Variants in WNT10A observed in about 807,000 individuals in gnomAD.
WNT10A encodes the protein Wnt family member 10A.
Under a neutral mutation model 36.1 loss-of-function variants are expected in WNT10A, and 37 were observed. That is an observed-to-expected ratio of 1.02 (90% CI 0.79 to 1.35). The LOEUF is 1.35. Among genes scored for constraint, WNT10A ranks in the 40% most tolerant of loss-of-function variants. WNT10A has a pLI of 0.00. For synonymous variants in WNT10A, 255 were observed against 254.1 expected (o/e 1.00, Z -0.03); for missense variants, 613 against 601.4 (o/e 1.02, Z -0.20).
chr2:218,878,758 T>C (rs1944475680), upstream of WNT10A, among the ~76,000 whole-genome samples: 1 of 152,060 alleles, frequency 6.6e-6, no homozygotes, highest in African/African-American at 2.4e-5. The surrounding 1 kb of genome is among the most constrained non-coding windows in gnomAD (Gnocchi z 4.1). Flanking sequence ...TGATTATGAG[T>C]CCCTTCCCTG....
chr2:218,884,895 G>A lies in WNT10A; in HGVS notation c.376+2472G>A, dbSNP rs1944561924. Reference sequence around the variant, plus strand: ...CCCTTTTCTGACCCATGTTATCAATGGGTTAGGATCCTCTTAAGTGTGGAT... The same window carrying A: ...CCCTTTTCTGACCCATGTTATCAATAGGTTAGGATCCTCTTAAGTGTGGAT... On this transcript the variant is annotated intron_variant, in intron 2 of 3. Transcript: ENST00000258411. Among the ~76,000 whole-genome samples, 3 of 152,190 alleles carry A rather than the reference G, an allele frequency of 2.0e-5. No homozygotes were observed. The South Asian group carries it at 6.2e-4, about 32-fold the overall frequency.
chr2:218,880,979 G>A lies in WNT10A; in HGVS notation c.-17G>A, dbSNP rs1393800996. ...GCTGTGAGCCCCCCACTCCCAGCCC[G>A]TCAGGGCCTGCGCGCCATGGGCAGC... On this transcript the variant is annotated 5_prime_UTR_variant, in exon 1 of 4. Coordinates refer to ENST00000258411, the MANE Select transcript of WNT10A (RefSeq NM_025216.3). The surrounding 1 kb of genome is among the most constrained non-coding windows in gnomAD (Gnocchi z 7.7). 8 of 1,559,090 alleles carry A rather than the reference G, an allele frequency of 5.1e-6. No individual in the cohort carries two copies. Among genetic ancestry groups the A allele is most frequent in the Non-Finnish European group, 6.9e-6 (8 of 1,151,588 alleles).
rs773640896 is a variant in WNT10A, at chr2:218,890,039, C to G, written c.432C>G (p.Ala144=). 6.2e-7 allele frequency: 1 copy of G among 1,613,974 alleles called. No individual in the cohort carries two copies. Among genetic ancestry groups the G allele is most frequent in the South Asian group, 1.1e-5 (1 of 91,074 alleles). Residue 144 remains alanine, a synonymous_variant, in exon 3 of 4, where the codon GCC becomes GCG. Coordinates refer to ENST00000258411, the MANE Select transcript of WNT10A (RefSeq NM_025216.3). ...YAIAAAGVVH[A]VSNACALGKL... is the part of the protein sequence containing the mutation. The stretch of plus-strand genomic sequence containing the variant: ...TCGCAGCAGCTGGCGTGGTGCACGC[C>G]GTGTCCAATGCGTGTGCCCTGGGCA...
upstream of WNT10A, chr2:218,880,673 C>T: frequency 6.9e-6 from 2 of 290,778 alleles, no homozygotes; most frequent in South Asian, 1.1e-4. This position sits in a 1 kb window ranked among gnomAD's most constrained non-coding sequence, Gnocchi z 7.7. Flanking sequence ...GTCCCCAGCC[C>T]GCTGCACCTC....
upstream of WNT10A, among the ~76,000 whole-genome samples, chr2:218,876,801 G>A (rs1944457048): frequency 6.6e-6 from 1 of 152,196 alleles, no homozygotes; most frequent in African/African-American, 2.4e-5. Flanking sequence ...ACCACCAGAG[G>A]GCATGCGGAG....
intron 2 of WNT10A, among the ~76,000 whole-genome samples, chr2:218,885,597 C>T (rs1944568774): frequency 6.6e-6 from 1 of 152,196 alleles, no homozygotes; most frequent in South Asian, 2.1e-4. Flanking sequence ...TTCCCTAAGG[C>T]CCAGACCCAT....
rs2106016216 is a variant in WNT10A at position 218,890,132 on chromosome 2, C to T, written c.525C>T (p.His175=). The part of the protein sequence containing the change: ...GDEEAFRRKL[H]RLQLDALQRG... ...AGGAGGCCTTCCGTAGGAAGCTGCACCGCTTACAACTGGATGCACTGCAGC... is the reference window on the plus strand; with the variant it reads ...AGGAGGCCTTCCGTAGGAAGCTGCATCGCTTACAACTGGATGCACTGCAGC... Residue 175 remains histidine, a synonymous_variant, in exon 3 of 4, where the codon CAC becomes CAT. Transcript: ENST00000258411. 3.1e-6 allele frequency: 5 copies of T among 1,614,186 alleles called. No homozygotes were observed. Among genetic ancestry groups the T allele is most frequent in the East Asian group, 2.2e-5 (1 of 44,890 alleles).
At chr2:218,879,156 A>G (rs893958979), upstream of WNT10A, among the ~76,000 whole-genome samples, 1 of 143,502 alleles carries the variant, frequency 7.0e-6, no homozygotes, top group Non-Finnish European at 1.5e-5. Context: ...ATGAGGGGGA[A>G]AGGAGGGGGG....
At chr2:218,880,185 TC>T (rs1944492628), upstream of WNT10A, among the ~76,000 whole-genome samples, 1 of 151,964 alleles carries the variant, frequency 6.6e-6, no homozygotes, top group African/African-American at 2.4e-5. This position sits in a 1 kb window ranked among gnomAD's most constrained non-coding sequence, Gnocchi z 7.7. Context: ...GCCCCTCCCC[TC>T]CAGCCCCTGC....
upstream of WNT10A, among the ~76,000 whole-genome samples, chr2:218,879,876 G>GCCTCCTC (rs1404268489): frequency 2.6e-5 from 4 of 152,142 alleles, no homozygotes; most frequent in Non-Finnish European, 5.9e-5. Flanking sequence ...TCTCTCTAAC[G>GCCTCCTC]CCTCCTCCCA....
At chr2:218,878,099 G>A (rs571103938), upstream of WNT10A, among the ~76,000 whole-genome samples, 3 of 152,336 alleles carry the variant, frequency 2.0e-5, no homozygotes, top group Non-Finnish European at 2.9e-5. The surrounding 1 kb of genome is among the most constrained non-coding windows in gnomAD (Gnocchi z 4.1). Context: ...GGTCTTAGGC[G>A]GCGGCTGCGG....
chr2:218,888,073 TTTTTGG>T (rs1025588588), intron 2 of WNT10A, among the ~76,000 whole-genome samples: 1 of 152,190 alleles, frequency 6.6e-6, no homozygotes, highest in Admixed American at 6.5e-5. Flanking sequence ...TTGTTGGTTG[TTTTTGG>T]TTTTGGTTTT....
At chr2:218,879,523 T>C (rs1250402617), upstream of WNT10A, among the ~76,000 whole-genome samples, 2 of 152,230 alleles carry the variant, frequency 1.3e-5, no homozygotes, top group Non-Finnish European at 2.9e-5. Flanking sequence ...CCAGCACACT[T>C]GCACTATATC....
chr2:218,879,159 G>A (rs1290722357), upstream of WNT10A, among the ~76,000 whole-genome samples: 1 of 151,344 alleles, frequency 6.6e-6, no homozygotes, highest in Non-Finnish European at 1.5e-5. Context: ...AGGGGGAAAG[G>A]AGGGGGGAGT....
intron 2 of WNT10A, among the ~76,000 whole-genome samples, chr2:218,883,692 G>C (rs1427749095): frequency 6.6e-6 from 1 of 150,634 alleles, no homozygotes; most frequent in Admixed American, 6.6e-5. Context: ...CCCCAGCCGC[G>C]CCGCTCTCAG....
chr2:218,892,670 G>A (rs1321719194), intron 3 of WNT10A, 104 bp from the exon 4 acceptor site: 2 of 1,504,670 alleles, frequency 1.3e-6, no homozygotes, highest in Non-Finnish European at 1.8e-6. Flanking sequence ...CTCAGCGTTT[G>A]CCTCTGTATA....
intron 2 of WNT10A, chr2:218,884,366 G>A (rs1944555737): frequency 6.6e-6 from 1 of 151,854 alleles, no homozygotes; most frequent in Non-Finnish European, 1.5e-5. Flanking sequence ...TAGGGCTGGA[G>A]GGGGACGACT....
chr2:218,884,067 T>A (rs1944552017), intron 2 of WNT10A: 1 of 152,480 alleles, frequency 6.6e-6, no homozygotes, highest in Non-Finnish European at 1.5e-5. Context: ...GCGGAGGTTC[T>A]CACTTCTGCC....
chr2:218,880,701 T>G (rs1944500398), upstream of WNT10A: 1 of 349,492 alleles, frequency 2.9e-6, no homozygotes, highest in Non-Finnish European at 5.2e-6. The surrounding 1 kb of genome is among the most constrained non-coding windows in gnomAD (Gnocchi z 7.7). Context: ...CCCTTACCCT[T>G]GAGAGGCACC....
Sources: allele counts gnomAD v4.1 joint callset (sites outside exome capture counted in the v4.1 genomes callset), GRCh38; gene constraint gnomAD v4.1.1; non-coding constraint Gnocchi (gnomAD v3.1); transcripts MANE v1.5; gene names NCBI Gene and HGNC (gene_info 2026-07-23, HGNC 2026-07-21).